Variants in ZFP36L1 observed in about 807,000 individuals in gnomAD.
ZFP36L1 encodes the protein mRNA decay activator protein ZFP36L1.
In ZFP36L1, 4 loss-of-function variants were observed where a neutral mutation model predicts 16.7. That is an observed-to-expected ratio of 0.24 (90% confidence interval 0.12 to 0.55). The LOEUF (loss-of-function observed/expected upper bound fraction) is 0.55, where lower values mean the gene tolerates loss of function less well. Ranked by LOEUF, ZFP36L1 falls within the 20% of genes least tolerant of loss-of-function variation. ZFP36L1 has a pLI of 0.94. For missense variants in ZFP36L1, 311 were observed against 449.2 expected, an observed-to-expected ratio of 0.69 and a Z score of 2.78; for synonymous variants, 220 against 190.8, an observed-to-expected ratio of 1.15 and a Z score of -1.26.
At chr14:68,793,199 T>A, upstream of ZFP36L1, 1 of 822,216 alleles carries the variant, frequency 1.2e-6, no homozygotes, top group Non-Finnish European at 1.4e-6. Context: ...GAATCAGCCA[T>A]GCGGTCAGGC....
chr14:68,790,379 C>A lies in ZFP36L1; in HGVS notation c.171G>T (p.Leu57=). 6.2e-7 allele frequency: 1 copy of A among 1,613,688 alleles called. No homozygotes were observed. The highest frequency in any genetic ancestry group is 8.5e-7 in the Non-Finnish European group (1 of 1,179,874). The change falls in exon 2 of 2, where the codon CTG becomes CTT. Residue 57 remains leucine (L), a synonymous_variant. Transcript: ENST00000439696. The stretch of plus-strand genomic sequence containing the variant: ...GGTTCTGGTGGAACTTGGAGCTGGG[C>A]AGGGTGACTGAGTGCCTCCGAGGGA... ...GGFPRRHSVT[L]PSSKFHQNQL... is the part of the protein sequence containing the mutation.
chr14:68,794,775 C>T (rs1895204632), upstream of ZFP36L1: 5 of 152,416 alleles, frequency 3.3e-5, no homozygotes, highest in Admixed American at 3.3e-4. Flanking sequence ...TATTCGTAAA[C>T]ATCTGGGCAA....
intron 1 of ZFP36L1, chr14:68,791,174 A>T (rs1196505606): frequency 1.5e-6 from 1 of 652,756 alleles, no homozygotes; most frequent in Admixed American, 2.3e-5. Context: ...TTCTACAATA[A>T]TCTCTCTCAC....
At chr14:68,791,193 C>G (rs1480704279) in intron 1 of ZFP36L1, 1 of 638,484 alleles carries the variant, frequency 1.6e-6, no homozygotes, top group South Asian at 1.8e-5. Flanking sequence ...ACCATTTCCA[C>G]TCAGCCCTAG....
In ZFP36L1 at chr14:68,790,000, C is replaced by T. The variant is rs1342816196; in HGVS notation, c.550G>A (p.Ala184Thr). The change falls in exon 2 of 2, where the codon GCC becomes ACC. Residue 184 changes from alanine to threonine, a missense_variant. Coordinates refer to ENST00000439696, the MANE Select transcript of ZFP36L1 (RefSeq NM_004926.4). The surrounding 1 kb of genome is among the most constrained non-coding windows in gnomAD (Gnocchi z 4.5). ...GAGAGGTCCCGGGCCCCGGCCAGGG[C>T]ACGGCGCTCTTCAGCGTTGTGGATG... The part of the protein sequence containing the change: ...HFIHNAEERR[A>T]LAGARDLSAD... The T allele has an allele frequency of 1.2e-6, 2 of 1,607,886 alleles. No homozygotes were observed. Among genetic ancestry groups the T allele is most frequent in the Non-Finnish European group, 1.7e-6 (2 of 1,177,702 alleles).
At position 68,788,148 on chromosome 14, in the gene ZFP36L1, A is replaced by G. The variant is rs1392134307; in HGVS notation, c.*1385T>C. The G allele has an allele frequency of 6.6e-6, 1 of 152,136 alleles. No individual in the cohort carries two copies. The highest frequency in any genetic ancestry group is 2.4e-5 in the African/African-American group (1 of 41,436). The allele number at this position is 152,136 out of a possible 1,614,324, so 9.4% of individuals were successfully genotyped here. A position where few individuals can be genotyped will look rare whatever the true frequency, so the allele number is the denominator to read the frequency against. ...TTAATTTTTCATTTTTTTAAAATAA[A>G]ATAACCAAAAAAGTGTAAAGTTACA... On this transcript the variant is annotated 3_prime_UTR_variant, in exon 2 of 2. Transcript: ENST00000439696.
chr14:68,792,541 C>T (rs1895116895), intron 1 of ZFP36L1, among the ~76,000 whole-genome samples: 1 of 152,240 alleles, frequency 6.6e-6, no homozygotes, highest in Admixed American at 6.5e-5. Context: ...ACCAGCAAAC[C>T]TGGGATCCAG....
rs1895008748 is a variant in ZFP36L1 at position 68,789,553 on chromosome 14, GTC to G, written c.995_996del (p.Arg332ThrfsTer6). On this transcript the variant is annotated frameshift_variant, in exon 2 of 2. Transcript: ENST00000439696. LOFTEE classifies it high-confidence loss of function. This position sits in a 1 kb window ranked among gnomAD's most constrained non-coding sequence, Gnocchi z 4.5. ...CTGGCTTAGTCATCTGAGATGGAAAGTCTGCTGAAGATGGGCAGGCGTCTTGA... is the reference window on the plus strand; with the variant it reads ...CTGGCTTAGTCATCTGAGATGGAAAGTGCTGAAGATGGGCAGGCGTCTTGA... ...DNSRRLPIFSRLSISDD is the reference protein window; with the variant it reads ...DNSRRLPIFSXLSISDD 6.2e-7 allele frequency: 1 copy of G among 1,613,762 alleles called. No homozygotes were observed. The highest frequency in any genetic ancestry group is 8.5e-7 in the Non-Finnish European group (1 of 1,180,030).
intron 1 of ZFP36L1, among the ~76,000 whole-genome samples, chr14:68,792,213 AG>A (rs1294838362): frequency 7.9e-5 from 11 of 138,662 alleles, no homozygotes; most frequent in African/African-American, 2.6e-4. Flanking sequence ...GCAATCGATG[AG>A]CCGCAATGCC....
intron 1 of ZFP36L1, among the ~76,000 whole-genome samples, chr14:68,791,721 A>G (rs2140210749): frequency 6.6e-6 from 1 of 152,134 alleles, no homozygotes; most frequent in East Asian, 1.9e-4. Flanking sequence ...GAAGGAAGAA[A>G]TGTTGGGGAG....
upstream of ZFP36L1, chr14:68,793,151 G>A (rs1480383218): frequency 3.1e-6 from 4 of 1,273,724 alleles, no homozygotes; most frequent in African/African-American, 4.7e-5. Context: ...ATTTAAATGA[G>A]GAAGAGGAGG....
Position 68,792,950 on chromosome 14 carries a change from G to C in ZFP36L1, c.-12C>G, listed in dbSNP as rs761285957. 2 of 1,613,676 alleles carry C rather than the reference G, an allele frequency of 1.2e-6. No homozygotes were observed. The highest frequency in any genetic ancestry group is 1.7e-6 in the Non-Finnish European group (2 of 1,179,912). On this transcript the variant is annotated 5_prime_UTR_variant, in exon 1 of 2. Transcript: ENST00000439696. Reference sequence around the variant, plus strand: ...AGGGTGGTGGTCATCCTGTGCGTTCGCGCGAGCCAGGGGCGAGGATCTGGT... The same window carrying C: ...AGGGTGGTGGTCATCCTGTGCGTTCCCGCGAGCCAGGGGCGAGGATCTGGT...
At chr14:68,794,913 C>G (rs1895208246), upstream of ZFP36L1, among the ~76,000 whole-genome samples, 1 of 152,210 alleles carries the variant, frequency 6.6e-6, no homozygotes, top group Admixed American at 6.5e-5. Flanking sequence ...TTTGTCTCCT[C>G]TGCCCGAAAT....
chr14:68,789,616 T>A lies in ZFP36L1; in HGVS notation c.934A>T (p.Ser312Cys). The change falls in exon 2 of 2, where the codon AGC becomes TGC. Residue 312 changes from serine to cysteine, a missense_variant. Physicochemically the swap from Ser to Cys is moderately radical, Grantham distance 112 (BLOSUM62 -1). This residue lies in a region of ZFP36L1 where 147 missense variants were observed against 192.0 expected (regional missense o/e 0.77). Transcript: ENST00000439696. The surrounding 1 kb of genome is among the most constrained non-coding windows in gnomAD (Gnocchi z 4.5). ...GTCGGGGAGTCTGAGCCACTGTGGCTGCTGCTGGAGCTGCTCAGGTAGCCC... is the reference window on the plus strand; with the variant it reads ...GTCGGGGAGTCTGAGCCACTGTGGCAGCTGCTGGAGCTGCTCAGGTAGCCC... ...QEGYLSSSSSSHSGSDSPTLD... is the reference protein window; with the variant it reads ...QEGYLSSSSSCHSGSDSPTLD... The A allele has an allele frequency of 6.2e-7, 1 of 1,613,700 alleles. No individual in the cohort carries two copies. Among genetic ancestry groups the A allele is most frequent in the Non-Finnish European group, 8.5e-7 (1 of 1,179,780 alleles).
At chr14:68,791,806 T>A (rs1329523596) in intron 1 of ZFP36L1, among the ~76,000 whole-genome samples, 1 of 152,280 alleles carries the variant, frequency 6.6e-6, no homozygotes, top group East Asian at 1.9e-4. Flanking sequence ...TCAAACTTTT[T>A]AAATGCTACT....
chr14:68,793,525 G>GA (rs1895168053), upstream of ZFP36L1: 1 of 985,918 alleles, frequency 1.0e-6, no homozygotes, highest in African/African-American at 1.7e-5. Flanking sequence ...TGTTGGGCAG[G>GA]AAGGCGGGCT....
At chr14:68,795,971 G>A (rs1895243434), upstream of ZFP36L1, 2 of 1,323,312 alleles carry the variant, frequency 1.5e-6, no homozygotes. Context: ...TACGGTGCAG[G>A]AAGGCCGAGG....
chr14:68,791,137 T>C, intron 1 of ZFP36L1: 1 of 693,274 alleles, frequency 1.4e-6, no homozygotes. Flanking sequence ...ATAAAACTCT[T>C]TGCCCTAAGT....
chr14:68,793,317 C>CTTT, upstream of ZFP36L1: 3 of 918,696 alleles, frequency 3.3e-6, no homozygotes, highest in South Asian at 9.1e-5. Context: ...CCGCGCACAA[C>CTTT]TTTTTTTTTT....
Sources: gnomAD v4.1 joint callset for allele counts (sites outside exome capture counted in the v4.1 genomes callset) on GRCh38, gnomAD v4.1.1 for gene constraint, gnomAD v4.1.1 regional missense constraint, Gnocchi (gnomAD v3.1) non-coding constraint, MANE v1.5 for transcripts, NCBI Gene and HGNC (gene_info 2026-07-23, HGNC 2026-07-21) for gene names.